Variants in RNASEH2B observed in about 807,000 individuals in gnomAD.
RNASEH2B encodes the protein ribonuclease H2 subunit B.
Under a neutral mutation model 45.0 loss-of-function variants are expected in RNASEH2B, and 36 were observed. That is an observed-to-expected ratio of 0.80 (90% CI 0.61 to 1.06). The LOEUF (loss-of-function observed/expected upper bound fraction) is 1.06. Among genes scored for constraint, RNASEH2B ranks in the 50% least tolerant of loss-of-function variants. RNASEH2B has a pLI of 0.00. For synonymous variants in RNASEH2B, 119 were observed against 125.7 expected (o/e 0.95, Z 0.35); for missense variants, 361 against 360.3 (o/e 1.00, Z -0.02).
At chr13:50,930,384 G>C (rs1251212696) in intron 3 of RNASEH2B, among the ~76,000 whole-genome samples, 1 of 152,126 alleles carries the variant, frequency 6.6e-6, no homozygotes, top group Non-Finnish European at 1.5e-5. Context: ...TTTTTCAGGG[G>C]GTTGGGAGGC....
In RNASEH2B at chr13:50,929,455, A is replaced by G. The variant is rs1322688033; in HGVS notation, c.137-20A>G. The stretch of plus-strand genomic sequence containing the variant: ...GTGTGTGTGAAAACTTACAAATAAA[A>G]GACAGATTTGTCTTAACAGGAGAAG... On this transcript the variant is annotated intron_variant, in intron 2 of 10. Transcript: ENST00000336617. The G allele has an allele frequency of 6.6e-7, 1 of 1,513,164 alleles. No homozygotes were observed. The highest frequency in any genetic ancestry group is 9.2e-7 in the Non-Finnish European group (1 of 1,088,328). 93.7% of individuals were successfully genotyped at this position (1,513,164 alleles called of 1,614,324 possible). A position where few individuals can be genotyped will look rare whatever the true frequency, so the allele number is the denominator to read the frequency against.
chr13:50,910,144 A>G lies in RNASEH2B; in HGVS notation c.64+4A>G. Reference sequence around the variant, plus strand: ...CAGCACGTGTTCCTGGTTTCAGGTAAACACGCGCGCCCGGGCGGCGGGGTC... The same window carrying G: ...CAGCACGTGTTCCTGGTTTCAGGTAGACACGCGCGCCCGGGCGGCGGGGTC... On this transcript the variant is annotated splice_donor_region_variant and intron_variant, in intron 1 of 10. Transcript: ENST00000336617. The G allele has an allele frequency of 1.4e-6, 2 of 1,437,950 alleles. No homozygotes were observed. The highest frequency in any genetic ancestry group is 1.4e-5 in the South Asian group (1 of 70,410). The allele number at this position is 1,437,950 out of a possible 1,614,324, so 89.1% of individuals were successfully genotyped here.
chr13:50,942,341 G>A (rs1951843109), intron 5 of RNASEH2B: 1 of 152,118 alleles, frequency 6.6e-6, no homozygotes, highest in Non-Finnish European at 1.5e-5. Context: ...GCCAGATTGA[G>A]CCTACCATAA....
At chr13:50,960,536 T>C (rs1318019442), downstream of RNASEH2B, among the ~76,000 whole-genome samples, 1 of 152,206 alleles carries the variant, frequency 6.6e-6, no homozygotes, top group Non-Finnish European at 1.5e-5. Context: ...TAATTGGTGT[T>C]GGTTGTTATC....
intron 3 of RNASEH2B, chr13:50,930,153 G>A (rs761690642): frequency 2.3e-5 from 5 of 221,678 alleles, no homozygotes; most frequent in Non-Finnish European, 4.5e-5. Context: ...CTCATGTTCT[G>A]GGGTGGGGGC....
chr13:50,919,084 A>G (rs571336477), intron 1 of RNASEH2B, among the ~76,000 whole-genome samples: 2 of 152,322 alleles, frequency 1.3e-5, no homozygotes, highest in African/African-American at 4.8e-5. Flanking sequence ...ACAAGTGTCC[A>G]TTGCTTCCAA....
chr13:50,966,683 G>A (rs1400793846), intron 9 of RNASEH2B, among the ~76,000 whole-genome samples: 1 of 152,164 alleles, frequency 6.6e-6, no homozygotes, highest in Admixed American at 6.5e-5. Flanking sequence ...TAAATTGGAT[G>A]TCAAGTGGAA....
intron 8 of RNASEH2B, 26 bp from the exon 9 acceptor site, chr13:50,949,437 T>C: frequency 6.2e-7 from 1 of 1,610,788 alleles, no homozygotes. Flanking sequence ...AACGATGACT[T>C]TGATTGTTAT....
chr13:50,967,821 A>G (rs1371794217), intron 9 of RNASEH2B, among the ~76,000 whole-genome samples: 2 of 152,212 alleles, frequency 1.3e-5, no homozygotes, highest in Non-Finnish European at 2.9e-5. Context: ...GACGAATCCA[A>G]AATTTGGCAA....
chr13:50,935,106 T>C (rs892070504), intron 5 of RNASEH2B, 107 bp downstream of exon 5: 2 of 737,922 alleles, frequency 2.7e-6, no homozygotes, highest in African/African-American at 3.5e-5. Context: ...GTGTCCACCA[T>C]AGGGAAAACT....
chr13:50,931,482 GAAAC>G (rs533649761), intron 4 of RNASEH2B, among the ~76,000 whole-genome samples: 20 of 152,050 alleles, frequency 1.3e-4, no homozygotes, highest in African/African-American at 3.9e-4. Context: ...CATTTTTATT[GAAAC>G]AAACAACCAA....
downstream of RNASEH2B, chr13:50,960,162 T>C: frequency 8.7e-7 from 1 of 1,150,456 alleles, no homozygotes; most frequent in Non-Finnish European, 1.1e-6. Context: ...TACCAACTGG[T>C]CATTTTGTGG....
At chr13:50,940,648 A>C (rs1376237363) in intron 5 of RNASEH2B, among the ~76,000 whole-genome samples, 1 of 152,084 alleles carries the variant, frequency 6.6e-6, no homozygotes, top group African/African-American at 2.4e-5. Flanking sequence ...AAGATGAACC[A>C]CTGGGTTTTA....
chr13:50,966,177 T>G (rs1297256732), intron 9 of RNASEH2B, among the ~76,000 whole-genome samples: 1 of 152,198 alleles, frequency 6.6e-6, no homozygotes, highest in African/African-American at 2.4e-5. Context: ...AAAATGTTCA[T>G]ATACACACAT....
chr13:50,942,320 C>G (rs1053894251), intron 5 of RNASEH2B: 1 of 152,156 alleles, frequency 6.6e-6, no homozygotes, highest in Non-Finnish European at 1.5e-5. Context: ...AAACTTTTAT[C>G]TCCATAAAGG....
downstream of RNASEH2B, among the ~76,000 whole-genome samples, chr13:50,957,104 A>G (rs1248302510): frequency 6.7e-6 from 1 of 150,008 alleles, no homozygotes; most frequent in East Asian, 1.9e-4. Flanking sequence ...TTTTTTTTCA[A>G]CTTTTATTTT....
At chr13:50,938,584 G>A (rs1413415045) in intron 5 of RNASEH2B, 1 of 152,168 alleles carries the variant, frequency 6.6e-6, no homozygotes, top group South Asian at 2.1e-4. Context: ...GGGTGAAACT[G>A]TTCCACCTCA....
intron 1 of RNASEH2B, among the ~76,000 whole-genome samples, chr13:50,913,671 T>C (rs1281514119): frequency 1.3e-5 from 2 of 152,200 alleles, no homozygotes; most frequent in Non-Finnish European, 2.9e-5. Context: ...CCCCCTTTAT[T>C]TCATGAATAT....
At chr13:50,917,624 C>G (rs1375726115) in intron 1 of RNASEH2B, among the ~76,000 whole-genome samples, 1 of 152,126 alleles carries the variant, frequency 6.6e-6, no homozygotes, top group Non-Finnish European at 1.5e-5. Flanking sequence ...TATCAGGAAA[C>G]CAAGACTCAG....
Sources: gnomAD v4.1 joint callset for allele counts (sites outside exome capture counted in the v4.1 genomes callset) on GRCh38, gnomAD v4.1.1 for gene constraint, MANE v1.5 for transcripts, NCBI Gene and HGNC (gene_info 2026-07-23, HGNC 2026-07-21) for gene names.